Variants in MICAL2 observed in about 807,000 individuals in gnomAD.
The protein encoded by MICAL2 is microtubule associated monooxygenase, calponin and LIM domain containing 2, also known as [F-actin]-monooxygenase MICAL2.
A neutral mutation model predicts 127.3 loss-of-function variants in MICAL2; 77 were observed. The ratio of observed to expected loss-of-function variants is 0.60; its 90% CI spans 0.50 to 0.73. The LOEUF is 0.73. MICAL2 is among the 30% of genes least tolerant of loss of function. The pLI, the probability that MICAL2 is intolerant of heterozygous loss-of-function variation, is 0.00. For missense variants in MICAL2, 1,351 were observed against 1,434.4 expected (o/e 0.94, Z 0.94); for synonymous variants, 570 against 551.1 (o/e 1.03, Z -0.48).
intron 24 of MICAL2, among the ~76,000 whole-genome samples, chr11:12,268,787 G>A (rs1283395396): frequency 2.0e-5 from 3 of 151,646 alleles, no homozygotes; most frequent in African/African-American, 4.9e-5. Context: ...TTAGGAGATC[G>A]AGACCATCCT....
At chr11:12,358,111 T>C (rs1438793795) in intron 34 of MICAL2, among the ~76,000 whole-genome samples, 1 of 152,180 alleles carries the variant, frequency 6.6e-6, no homozygotes, top group Admixed American at 6.5e-5. Flanking sequence ...GTGAACTGTT[T>C]CACCGCACAC....
In MICAL2 at chr11:12,226,056, C is replaced by A; in HGVS notation, c.1689-115C>A. The A allele has an allele frequency of 5.1e-6, 5 of 979,656 alleles. No homozygotes were observed. In the East Asian group the frequency reaches 9.6e-5, roughly 19 times the overall value. 60.7% of individuals were successfully genotyped at this position (979,656 alleles called of 1,614,324 possible). A position where few individuals can be genotyped will look rare whatever the true frequency, so the allele number is the denominator to read the frequency against. ...GGGGTCACTATTCCTCCCCTGTAAC[C>A]TGCCGACACCTGGCAGAGTGTCACC... On this transcript the variant is annotated intron_variant, in intron 13 of 27. Coordinates refer to ENST00000683283, the MANE Select transcript of MICAL2 (RefSeq NM_001282663.2).
intron 8 of MICAL2, among the ~76,000 whole-genome samples, chr11:12,218,850 C>G (rs999161475): frequency 6.6e-6 from 1 of 152,170 alleles, no homozygotes; most frequent in Non-Finnish European, 1.5e-5. Context: ...ATTGTCAAGA[C>G]CTTTGTAATT....
Position 12,232,485 on chromosome 11 carries a change from G to A in MICAL2, c.1996-3692G>A, listed in dbSNP as rs142972944. On this transcript the variant is annotated intron_variant, in intron 15 of 27. Coordinates refer to ENST00000683283, the MANE Select transcript of MICAL2 (RefSeq NM_001282663.2). ...ATGCCTGTAATCCAGCACTTTGGGAGGCTGAGGTGGGCAGATTGCTTGAGG... is the reference window on the plus strand; with the variant it reads ...ATGCCTGTAATCCAGCACTTTGGGAAGCTGAGGTGGGCAGATTGCTTGAGG... Among the ~76,000 whole-genome samples, 521 of 152,306 alleles carry A rather than the reference G, an allele frequency of 3.4e-3. 4 individuals are homozygous for A. The highest frequency in any genetic ancestry group is 0.012 in the African/African-American group (503 of 41,568).
chr11:12,267,469 G>A (rs1263108778), downstream of MICAL2, among the ~76,000 whole-genome samples: 1 of 152,070 alleles, frequency 6.6e-6, no homozygotes, highest in Admixed American at 6.5e-5. Flanking sequence ...GGAATATCCA[G>A]AAGCTGTCCA....
At chr11:12,246,953 T>A (rs66501839) in intron 21 of MICAL2, among the ~76,000 whole-genome samples, 26,927 of 151,894 alleles carry the variant, frequency 0.18, 2,510 homozygotes, top group South Asian at 0.28. Context: ...TATGAAAAAA[T>A]TAGAGCTGGT....
At chr11:12,358,310 A>C in exon 35 of MICAL2, 1 of 1,613,976 alleles carries the variant, frequency 6.2e-7, no homozygotes, top group Non-Finnish European at 8.5e-7. Flanking sequence ...CAGAAAGATG[A>C]GAAGGATCTA....
chr11:12,167,613 A>G (rs992585253), intron 3 of MICAL2, among the ~76,000 whole-genome samples: 1 of 152,216 alleles, frequency 6.6e-6, no homozygotes, highest in Non-Finnish European at 1.5e-5. Context: ...TGATACGGGC[A>G]GTTCCAGTCA....
At chr11:12,261,936 G>A in intron 26 of MICAL2, 4 of 987,910 alleles carry the variant, frequency 4.0e-6, no homozygotes, top group Non-Finnish European at 4.8e-6. Context: ...GAACGGCCAT[G>A]TTATTGTGAT....
At chr11:12,245,300 C>T (rs973498148) in intron 21 of MICAL2, among the ~76,000 whole-genome samples, 21 of 152,204 alleles carry the variant, frequency 1.4e-4, no homozygotes, top group African/African-American at 4.1e-4. Flanking sequence ...TCATGCTGCA[C>T]GTGCCGCTGC....
intron 2 of MICAL2, among the ~76,000 whole-genome samples, chr11:12,148,989 T>G (rs1457552407): frequency 6.6e-6 from 1 of 152,198 alleles, no homozygotes; most frequent in East Asian, 1.9e-4. Flanking sequence ...TCCTCCAGGC[T>G]CACACACCTA....
Position 12,239,517 on chromosome 11 carries a change from A to T in MICAL2, c.2146A>T (p.Lys716Ter), listed in dbSNP as rs372735127. The T allele has an allele frequency of 6.2e-7, 1 of 1,614,244 alleles. No individual in the cohort carries two copies. Among genetic ancestry groups the T allele is most frequent in the Non-Finnish European group, 8.5e-7 (1 of 1,180,046 alleles). The stretch of plus-strand genomic sequence containing the variant: ...GGAAGGTGGAAATCAGAACAAAGTC[A>T]AGTCCATGGCGAATCAGCTGCTGGC... ...SKEGGNQNKVKSMANQLLAKF... is the reference protein window; with the variant it reads ...SKEGGNQNKV Residue 716 changes from lysine (K) to a stop codon, truncating the protein, a stop_gained, in exon 17 of 28, where the codon AAG becomes TAG. Transcript: ENST00000683283. LOFTEE classifies it high-confidence loss of function.
chr11:12,360,716 C>T (rs1432796719), downstream of MICAL2, among the ~76,000 whole-genome samples: 1 of 152,086 alleles, frequency 6.6e-6, no homozygotes, highest in Non-Finnish European at 1.5e-5. Context: ...GTGGTTTGGC[C>T]CCTAGTATTC....
intron 2 of MICAL2, among the ~76,000 whole-genome samples, chr11:12,155,331 T>C (rs564515648): frequency 5.3e-5 from 8 of 152,080 alleles, no homozygotes; most frequent in African/African-American, 1.9e-4. Context: ...CACGCACATA[T>C]ACACATACAT....
At chr11:12,148,031 C>T (rs562886302) in intron 2 of MICAL2, among the ~76,000 whole-genome samples, 1 of 152,244 alleles carries the variant, frequency 6.6e-6, no homozygotes, top group South Asian at 2.1e-4. Context: ...AACCTGAATG[C>T]TCCAGCCCAT....
intron 2 of MICAL2, among the ~76,000 whole-genome samples, chr11:12,143,206 G>A (rs1162276172): frequency 6.6e-6 from 1 of 152,190 alleles, no homozygotes; most frequent in African/African-American, 2.4e-5. Flanking sequence ...GAGGCAGACG[G>A]TTCTCCAAGG....
chr11:12,309,287 T>C (rs1864146418), intron 29 of MICAL2, among the ~76,000 whole-genome samples: 2 of 152,178 alleles, frequency 1.3e-5, no homozygotes. Context: ...TTATTTCTTC[T>C]ACTAATTGTA....
At chr11:12,246,270 C>T (rs1322420256) in intron 21 of MICAL2, among the ~76,000 whole-genome samples, 2 of 152,250 alleles carry the variant, frequency 1.3e-5, no homozygotes, top group Non-Finnish European at 2.9e-5. Flanking sequence ...CCGGCTGAGG[C>T]CCTGCCTGCT....
At chr11:12,146,452 C>T (rs576418027) in intron 2 of MICAL2, among the ~76,000 whole-genome samples, 2 of 152,236 alleles carry the variant, frequency 1.3e-5, no homozygotes, top group African/African-American at 4.8e-5. Context: ...ACAACAGACA[C>T]GTGAAAAAAT....
Sources: allele counts gnomAD v4.1 joint callset (sites outside exome capture counted in the v4.1 genomes callset), GRCh38; gene constraint gnomAD v4.1.1; transcripts MANE v1.5; gene names NCBI Gene and HGNC (gene_info 2026-07-23, HGNC 2026-07-21).